The following EDIL3 variants were observed in gnomAD, a reference collection of about 807,000 sequenced individuals.
The protein encoded by EDIL3 is EGF like and discoidin domains 3, also known as EGF-like repeat and discoidin I-like domain-containing protein 3.
Under a neutral mutation model 67.4 loss-of-function variants are expected in EDIL3, and 37 were observed. That is an observed-to-expected ratio of 0.55 (90% CI 0.42 to 0.72). The LOEUF is 0.72. Ranked by LOEUF, EDIL3 falls within the 30% of genes least tolerant of loss-of-function variation. The probability of loss-of-function intolerance (pLI) is 0.00; values close to 1 mark genes in which losing one functional copy is unlikely to be tolerated. For synonymous variants in EDIL3, 195 were observed against 196.3 expected (o/e 0.99, Z 0.05); for missense variants, 527 against 586.3 (o/e 0.90, Z 1.04).
At chr5:84,243,071 ATGTG>A (rs35700768) in intron 2 of EDIL3, among the ~76,000 whole-genome samples, 26,963 of 151,342 alleles carry the variant, frequency 0.18, 2,480 homozygotes, top group Middle Eastern at 0.31. Flanking sequence ...AGGTTATTTT[ATGTG>A]TGTGTGTGTG....
At chr5:84,346,544 T>C (rs1376360804) in intron 1 of EDIL3, among the ~76,000 whole-genome samples, 1 of 152,206 alleles carries the variant, frequency 6.6e-6, no homozygotes, top group Non-Finnish European at 1.5e-5. Context: ...TCTCCTGAGG[T>C]AGATGAGTAC....
chr5:84,356,074 T>C (rs1010757370), intron 1 of EDIL3, among the ~76,000 whole-genome samples: 1 of 152,200 alleles, frequency 6.6e-6, no homozygotes, highest in Non-Finnish European at 1.5e-5. Flanking sequence ...TAATGGTATT[T>C]TACTACTATG....
intron 3 of EDIL3, among the ~76,000 whole-genome samples, chr5:84,229,445 T>C (rs1744519519): frequency 6.6e-6 from 1 of 152,214 alleles, no homozygotes; most frequent in Non-Finnish European, 1.5e-5. Context: ...CATGTGATAG[T>C]GCTGTATGCT....
chr5:84,017,813 C>A (rs1185080659), intron 9 of EDIL3, among the ~76,000 whole-genome samples: 1 of 152,076 alleles, frequency 6.6e-6, no homozygotes, highest in African/African-American at 2.4e-5. Flanking sequence ...AATTGTGTCA[C>A]TTCCAGGAAA....
intron 9 of EDIL3, among the ~76,000 whole-genome samples, chr5:83,984,057 G>A (rs528038031): frequency 6.6e-6 from 1 of 151,956 alleles, no homozygotes; most frequent in African/African-American, 2.4e-5. Flanking sequence ...GAGGAACAAT[G>A]GACACAGGGT....
chr5:84,326,600 AT>A (rs1262516587), intron 1 of EDIL3, among the ~76,000 whole-genome samples: 2 of 151,934 alleles, frequency 1.3e-5, no homozygotes, highest in Non-Finnish European at 2.9e-5. Flanking sequence ...TGTAAATCTC[AT>A]CTTTATTCCA....
chr5:84,040,200 A>G (rs1253464501), intron 9 of EDIL3, among the ~76,000 whole-genome samples: 1 of 152,222 alleles, frequency 6.6e-6, no homozygotes, highest in Non-Finnish European at 1.5e-5. Flanking sequence ...TATGAAATGT[A>G]TCAGTGAATT....
At chr5:84,128,921 G>A (rs1747914158) in intron 5 of EDIL3, among the ~76,000 whole-genome samples, 1 of 152,076 alleles carries the variant, frequency 6.6e-6, no homozygotes, top group Non-Finnish European at 1.5e-5. Context: ...CTTACGGAAT[G>A]TTTCAGTAAT....
intron 2 of EDIL3, among the ~76,000 whole-genome samples, chr5:84,242,535 T>C (rs973230582): frequency 2.6e-5 from 4 of 152,062 alleles, no homozygotes; most frequent in Non-Finnish European, 5.9e-5. Flanking sequence ...CTGTGGCTCA[T>C]GCCTGTAATC....
chr5:84,383,559 G>A (rs1310492199), intron 1 of EDIL3, among the ~76,000 whole-genome samples: 1 of 152,182 alleles, frequency 6.6e-6, no homozygotes, highest in South Asian at 2.1e-4. Context: ...TCCTGTGCGG[G>A]GACGCGAGGG....
intron 4 of EDIL3, among the ~76,000 whole-genome samples, chr5:84,148,290 T>C (rs1452170642): frequency 6.6e-6 from 1 of 152,106 alleles, no homozygotes; most frequent in Non-Finnish European, 1.5e-5. Context: ...ATCATCAGAG[T>C]AAATAAATGG....
chr5:84,219,190 T>C (rs1428310417), intron 3 of EDIL3, among the ~76,000 whole-genome samples: 1 of 152,080 alleles, frequency 6.6e-6, no homozygotes, highest in Non-Finnish European at 1.5e-5. Flanking sequence ...TGGGAGAAAG[T>C]AGGGGAAGAG....
At chr5:84,236,203 T>C (rs1433462321) in intron 2 of EDIL3, among the ~76,000 whole-genome samples, 2 of 152,128 alleles carry the variant, frequency 1.3e-5, no homozygotes, top group East Asian at 3.9e-4. Flanking sequence ...AAAACTAAAC[T>C]GAACAAAAAC....
rs1303763944 is a variant in EDIL3 at position 84,055,275 on chromosome 5, G to T, written c.1137+5025C>A. ...AGCCATATGTAGAAAGCTGAAACTGGATCCCTTCCTCGCACCTTATAAAAA... is the reference window on the plus strand; with the variant it reads ...AGCCATATGTAGAAAGCTGAAACTGTATCCCTTCCTCGCACCTTATAAAAA... On this transcript the variant is annotated intron_variant, in intron 9 of 10. Transcript: ENST00000296591. Among the ~76,000 whole-genome samples the T allele has an allele frequency of 3.4e-5, 5 of 146,474 alleles. 1 individual carries two copies. The highest frequency in any genetic ancestry group is 1.3e-4 in the African/African-American group (5 of 37,230).
intron 5 of EDIL3, among the ~76,000 whole-genome samples, chr5:84,120,879 A>G (rs1468569983): frequency 6.6e-6 from 1 of 151,982 alleles, no homozygotes; most frequent in Non-Finnish European, 1.5e-5. Flanking sequence ...TAAAAAAAAT[A>G]TGAAAAGGAA....
At position 84,161,068 on chromosome 5, in the gene EDIL3, A is replaced by T. The variant is rs920614943; in HGVS notation, c.355+19325T>A. Among the ~76,000 whole-genome samples the T allele has an allele frequency of 1.1e-4, 16 of 151,936 alleles. No homozygotes were observed. The South Asian group carries it at 3.1e-3, about 30-fold the overall frequency. ...TTTGTGTCCTCACAGCTTAGCTCCCACTTACAAATGAGAACATACAATAGT... is the reference window on the plus strand; with the variant it reads ...TTTGTGTCCTCACAGCTTAGCTCCCTCTTACAAATGAGAACATACAATAGT... On this transcript the variant is annotated intron_variant, in intron 4 of 10. Coordinates refer to ENST00000296591, the MANE Select transcript of EDIL3 (RefSeq NM_005711.5).
chr5:84,003,073 G>A (rs1301806387), intron 9 of EDIL3, among the ~76,000 whole-genome samples: 4 of 152,124 alleles, frequency 2.6e-5, no homozygotes, highest in African/African-American at 9.7e-5. Context: ...CCAGGCTTGG[G>A]AAGAAACAAA....
chr5:84,061,605 C>T (rs1189950822), intron 8 of EDIL3, among the ~76,000 whole-genome samples: 3 of 152,082 alleles, frequency 2.0e-5, no homozygotes, highest in Non-Finnish European at 4.4e-5. Context: ...TGTAGCCTTG[C>T]CCTGTTATTT....
At chr5:84,101,838 G>A (rs1205160260) in intron 6 of EDIL3, among the ~76,000 whole-genome samples, 1 of 151,956 alleles carries the variant, frequency 6.6e-6, no homozygotes, top group African/African-American at 2.4e-5. Context: ...ACATCATCCT[G>A]ATACCAAAAC....
Sources: gnomAD v4.1 joint callset for allele counts (sites outside exome capture counted in the v4.1 genomes callset) on GRCh38, gnomAD v4.1.1 for gene constraint, MANE v1.5 for transcripts, NCBI Gene and HGNC (gene_info 2026-07-23, HGNC 2026-07-21) for gene names.